Variants in DDR2 observed in about 807,000 individuals in gnomAD.
The protein encoded by DDR2 is discoidin domain receptor tyrosine kinase 2.
A neutral mutation model predicts 94.9 loss-of-function variants in DDR2; 27 were observed. The observed-to-expected ratio is 0.28, with a 90% CI of 0.21 to 0.39. The LOEUF (loss-of-function observed/expected upper bound fraction) is 0.39, where lower values mean the gene tolerates loss of function less well. DDR2 is among the 10% of genes least tolerant of loss of function. DDR2 has a pLI of 1.00. For synonymous variants in DDR2, 382 were observed against 377.2 expected (o/e 1.01, Z -0.15); for missense variants, 783 against 1,076.0 (o/e 0.73, Z 3.81).
chr1:162,654,472 A>G (rs982782402), intron 1 of DDR2, among the ~76,000 whole-genome samples: 1 of 152,198 alleles, frequency 6.6e-6, no homozygotes, highest in Non-Finnish European at 1.5e-5. Flanking sequence ...ACAAACAAAC[A>G]AAAAACCAAA....
At chr1:162,714,277 T>G (rs770342397) in intron 2 of DDR2, among the ~76,000 whole-genome samples, 1 of 152,182 alleles carries the variant, frequency 6.6e-6, no homozygotes, top group Non-Finnish European at 1.5e-5. Flanking sequence ...TTTTGAATTT[T>G]GGTGGAAATT....
chr1:162,770,316 G>A lies in DDR2; in HGVS notation c.1308G>A (p.Met436Ile), dbSNP rs2102180602. The A allele has an allele frequency of 6.2e-7, 1 of 1,614,072 alleles. No homozygotes were observed. The highest frequency in any genetic ancestry group is 8.5e-7 in the Non-Finnish European group (1 of 1,180,000). The part of the protein sequence containing the change: ...QKMLEKASRR[M>I]LDDEMTVSLS... ...TTCTCTTCCAGGCTTCTCGGAGGAT[G>A]CTGGATGATGAAATGACAGTCAGCC... Residue 436 changes from methionine to isoleucine, a missense_variant, in exon 12 of 18, where the codon ATG becomes ATA. Around this residue, in one of 2 missense-constraint regions of DDR2, gnomAD observed 519 missense variants for 647.9 expected, o/e 0.80. Transcript: ENST00000367921.
chr1:162,730,058 C>CTTTA (rs1661953788), intron 3 of DDR2, among the ~76,000 whole-genome samples: 3 of 64,170 alleles, frequency 4.7e-5, no homozygotes, highest in South Asian at 5.4e-4. Flanking sequence ...TTTTTTTTTG[C>CTTTA]AAAAAAAAAA....
intron 10 of DDR2, among the ~76,000 whole-genome samples, chr1:162,766,916 CA>C (rs1252426142): frequency 3.3e-5 from 5 of 151,862 alleles, no homozygotes; most frequent in Non-Finnish European, 5.9e-5. Context: ...CCTGTAATCC[CA>C]GCTACTCAGG....
At chr1:162,634,473 A>G (rs115984536) in intron 1 of DDR2, among the ~76,000 whole-genome samples, 6,871 of 152,288 alleles carry the variant, frequency 0.045, 235 homozygotes, top group East Asian at 0.13. Context: ...AGGATCGGTA[A>G]ACACAGAACG....
At chr1:162,766,204 G>A in intron 10 of DDR2, 141 bp downstream of exon 10, 1 of 833,688 alleles carries the variant, frequency 1.2e-6, no homozygotes. Context: ...TGGAAAGGTA[G>A]GACTGTCTAC....
chr1:162,678,379 A>C (rs1287957921), intron 2 of DDR2, among the ~76,000 whole-genome samples: 1 of 152,236 alleles, frequency 6.6e-6, no homozygotes, highest in Non-Finnish European at 1.5e-5. Context: ...GACGCAGAGT[A>C]AACACGTTAA....
At chr1:162,699,471 G>A (rs1207861992) in intron 2 of DDR2, among the ~76,000 whole-genome samples, 1 of 152,178 alleles carries the variant, frequency 6.6e-6, no homozygotes, top group Non-Finnish European at 1.5e-5. Context: ...GACTGTAGCA[G>A]TTGTTCCAGT....
intron 3 of DDR2, among the ~76,000 whole-genome samples, chr1:162,728,150 A>G: frequency 6.9e-6 from 1 of 145,576 alleles, no homozygotes; most frequent in Middle Eastern, 3.6e-3. Context: ...ATATATAGAT[A>G]TATCTATATA....
At chr1:162,712,248 T>C (rs2102016531) in intron 2 of DDR2, among the ~76,000 whole-genome samples, 1 of 149,344 alleles carries the variant, frequency 6.7e-6, no homozygotes, top group East Asian at 2.0e-4. Flanking sequence ...ACATATTCAT[T>C]GAAGTTCTTA....
At chr1:162,682,746 CAA>C (rs1659470673) in intron 2 of DDR2, among the ~76,000 whole-genome samples, 1 of 152,156 alleles carries the variant, frequency 6.6e-6, no homozygotes, top group African/African-American at 2.4e-5. Flanking sequence ...AGGCTTAAAA[CAA>C]TGTATTTACT....
chr1:162,708,514 A>C (rs1282545603), intron 2 of DDR2, among the ~76,000 whole-genome samples: 4 of 152,182 alleles, frequency 2.6e-5, no homozygotes, highest in African/African-American at 9.7e-5. Context: ...CTGAACTGGA[A>C]GGTTCTTGAG....
At chr1:162,677,817 T>G (rs1659209686) in intron 2 of DDR2, among the ~76,000 whole-genome samples, 1 of 152,244 alleles carries the variant, frequency 6.6e-6, no homozygotes, top group African/African-American at 2.4e-5. Flanking sequence ...CTTCCCCACC[T>G]GCTGGATATG....
chr1:162,707,609 T>C (rs12033911), intron 2 of DDR2, among the ~76,000 whole-genome samples: 1 of 152,304 alleles, frequency 6.6e-6, no homozygotes, highest in East Asian at 1.9e-4. Context: ...TTCCAAATGC[T>C]CACAGGCGCT....
At chr1:162,693,408 T>C (rs1660045025) in intron 2 of DDR2, among the ~76,000 whole-genome samples, 1 of 152,248 alleles carries the variant, frequency 6.6e-6, no homozygotes, top group African/African-American at 2.4e-5. Flanking sequence ...ACCGCCTTTG[T>C]GTTTTTCTTT....
chr1:162,770,057 T>G (rs1664188549), intron 11 of DDR2, among the ~76,000 whole-genome samples: 1 of 152,150 alleles, frequency 6.6e-6, no homozygotes, highest in African/African-American at 2.4e-5. Flanking sequence ...TTTTAAGTGT[T>G]TCAGAAAGCA....
intron 9 of DDR2, among the ~76,000 whole-genome samples, chr1:162,764,050 T>C (rs571516187): frequency 6.6e-6 from 1 of 152,366 alleles, no homozygotes; most frequent in African/African-American, 2.4e-5. Context: ...CAAAGCACTA[T>C]GTTCTAAGGT....
At chr1:162,728,025 CTA>C (rs1208404351) in intron 3 of DDR2, among the ~76,000 whole-genome samples, 2 of 134,526 alleles carry the variant, frequency 1.5e-5, no homozygotes, top group Non-Finnish European at 3.1e-5. Context: ...TATAATCACA[CTA>C]TATATATCTA....
intron 3 of DDR2, among the ~76,000 whole-genome samples, chr1:162,730,058 C>CTTA (rs1661953788): frequency 2.6e-4 from 17 of 64,170 alleles, no homozygotes; most frequent in South Asian, 5.4e-4. Context: ...TTTTTTTTTG[C>CTTA]AAAAAAAAAA....
Sources: allele counts gnomAD v4.1 joint callset (sites outside exome capture counted in the v4.1 genomes callset), GRCh38; gene constraint gnomAD v4.1.1; regional missense constraint gnomAD v4.1.1; transcripts MANE v1.5; gene names NCBI Gene and HGNC (gene_info 2026-07-23, HGNC 2026-07-21).